LRFN5: variants seen among roughly 807,000 people sequenced by gnomAD.
LRFN5 encodes leucine rich repeat and fibronectin type III domain containing 5, also known as leucine-rich repeat and fibronectin type-III domain-containing protein 5.
In LRFN5, 24 loss-of-function variants were observed where a neutral mutation model predicts 45.6. That is an observed-to-expected ratio of 0.53 (90% confidence interval 0.38 to 0.74). The LOEUF (loss-of-function observed/expected upper bound fraction) is 0.74, where lower values mean the gene tolerates loss of function less well. Ranked by LOEUF, LRFN5 falls within the 30% of genes least tolerant of loss-of-function variation. The pLI is 0.00. For synonymous variants in LRFN5, 340 were observed against 313.8 expected, an observed-to-expected ratio of 1.08 and a Z score of -0.88; for missense variants, 776 against 861.5, an observed-to-expected ratio of 0.90 and a Z score of 1.24.
intron 1 of LRFN5, among the ~76,000 whole-genome samples, chr14:41,709,055 G>A (rs1883181817): frequency 6.6e-6 from 1 of 151,860 alleles, no homozygotes; most frequent in African/African-American, 2.4e-5. Flanking sequence ...TTTCTTAGCT[G>A]TAAGTCTTCT....
rs757371486 is a variant in LRFN5 at position 41,886,707 on chromosome 14, A to G, written c.82A>G (p.Ile28Val). The G allele has an allele frequency of 6.2e-7, 1 of 1,614,094 alleles. No homozygotes were observed. Among genetic ancestry groups the G allele is most frequent in the Non-Finnish European group, 8.5e-7 (1 of 1,180,002 alleles). The change falls in exon 3 of 6, where the codon ATT (isoleucine) becomes GTT (valine). Residue 28 changes from isoleucine to valine, a missense_variant. Ile to Val is a conservative substitution (Grantham distance 29, BLOSUM62 3). Around this residue, in one of 2 missense-constraint regions of LRFN5, gnomAD observed 311 missense variants for 405.1 expected, o/e 0.77. Transcript: ENST00000298119. ...QICPKRCVCQILSPNLATLCA... is the reference protein window; with the variant it reads ...QICPKRCVCQVLSPNLATLCA... ...CTGTCCAAAGCGTTGTGTCTGTCAG[A>G]TTTTGTCTCCTAATCTTGCAACCCT...
intron 2 of LRFN5, among the ~76,000 whole-genome samples, chr14:41,768,184 G>T (rs59348864): frequency 0.13 from 19,802 of 151,958 alleles, 1,532 homozygotes; most frequent in Non-Finnish European, 0.18. Flanking sequence ...GTTATTAGAA[G>T]AACAGAAAAA....
At chr14:41,740,225 T>C (rs769546258) in intron 1 of LRFN5, among the ~76,000 whole-genome samples, 7 of 151,898 alleles carry the variant, frequency 4.6e-5, no homozygotes, top group Admixed American at 2.0e-4. Context: ...ATTAAAACCA[T>C]ACAAGGACAC....
intron 2 of LRFN5, among the ~76,000 whole-genome samples, chr14:41,776,703 A>G (rs1281738858): frequency 5.9e-5 from 9 of 152,094 alleles, no homozygotes; most frequent in Non-Finnish European, 1.5e-5. Flanking sequence ...AAAAGCTTTC[A>G]TTTAATGTGA....
chr14:41,696,105 T>G (rs748790151), intron 1 of LRFN5, among the ~76,000 whole-genome samples: 1 of 151,844 alleles, frequency 6.6e-6, no homozygotes, highest in Non-Finnish European at 1.5e-5. Flanking sequence ...AAGACTTCAG[T>G]GGAGGAAGTA....
chr14:41,733,020 A>G (rs1362807169), intron 1 of LRFN5, among the ~76,000 whole-genome samples: 2 of 151,940 alleles, frequency 1.3e-5, no homozygotes, highest in Admixed American at 6.6e-5. Flanking sequence ...AAGATAGAGC[A>G]TTAAAAATTA....
chr14:41,828,376 G>A (rs1566469567), intron 2 of LRFN5, among the ~76,000 whole-genome samples: 2 of 151,938 alleles, frequency 1.3e-5, no homozygotes, highest in African/African-American at 4.8e-5. Flanking sequence ...AGAGAGGGTA[G>A]TAGTGCTAGT....
At chr14:41,720,261 A>G (rs1594644237) in intron 1 of LRFN5, among the ~76,000 whole-genome samples, 1 of 152,122 alleles carries the variant, frequency 6.6e-6, no homozygotes, top group Non-Finnish European at 1.5e-5. Context: ...TTGCCACAAA[A>G]GACATGATTT....
At chr14:41,627,652 G>C (rs949412751) in intron 1 of LRFN5, among the ~76,000 whole-genome samples, 3 of 152,078 alleles carry the variant, frequency 2.0e-5, no homozygotes, top group Admixed American at 6.5e-5. Context: ...TATTGATAAA[G>C]GAATCGACAA....
intron 1 of LRFN5, among the ~76,000 whole-genome samples, chr14:41,751,978 T>C (rs938651191): frequency 1.3e-5 from 2 of 152,156 alleles, no homozygotes; most frequent in Non-Finnish European, 2.9e-5. Context: ...TGTGTTCTCA[T>C]TGTTCAATTC....
chr14:41,694,535 A>G (rs545916614), intron 1 of LRFN5, among the ~76,000 whole-genome samples: 1 of 151,960 alleles, frequency 6.6e-6, no homozygotes, highest in East Asian at 1.9e-4. Context: ...CTTTTTTAAG[A>G]CTGAGTGATA....
chr14:41,889,164 C>T (rs1890694261), intron 3 of LRFN5, among the ~76,000 whole-genome samples: 1 of 150,404 alleles, frequency 6.6e-6, no homozygotes, highest in Non-Finnish European at 1.5e-5. Context: ...CAGATCAGAT[C>T]AGTTCCTATG....
chr14:41,805,005 G>T (rs1470134889), intron 2 of LRFN5, among the ~76,000 whole-genome samples: 1 of 151,946 alleles, frequency 6.6e-6, no homozygotes, highest in Non-Finnish European at 1.5e-5. Flanking sequence ...TGATGGTAAT[G>T]GTTTTACTGC....
chr14:41,795,157 C>G (rs546904134), intron 2 of LRFN5, among the ~76,000 whole-genome samples: 1 of 152,096 alleles, frequency 6.6e-6, no homozygotes, highest in African/African-American at 2.4e-5. Flanking sequence ...ATTTATGCAG[C>G]CAACAGACAC....
intron 2 of LRFN5, among the ~76,000 whole-genome samples, chr14:41,880,837 C>A (rs1594491240): frequency 6.6e-6 from 1 of 152,216 alleles, no homozygotes; most frequent in African/African-American, 2.4e-5. Flanking sequence ...TCAGTGTTTT[C>A]GTGGTTTCTT....
intron 2 of LRFN5, among the ~76,000 whole-genome samples, chr14:41,872,303 A>G (rs1457505634): frequency 6.6e-6 from 1 of 152,240 alleles, no homozygotes; most frequent in African/African-American, 2.4e-5. Flanking sequence ...AAAAATTTAC[A>G]GAAAAGAGCT....
chr14:41,881,944 A>G (rs1890395097), intron 2 of LRFN5, among the ~76,000 whole-genome samples: 1 of 152,180 alleles, frequency 6.6e-6, no homozygotes, highest in African/African-American at 2.4e-5. Context: ...TAATTGTAAT[A>G]TCTGGGGTGT....
chr14:41,674,601 G>T (rs1881493839), intron 1 of LRFN5, among the ~76,000 whole-genome samples: 1 of 146,736 alleles, frequency 6.8e-6, no homozygotes, highest in Non-Finnish European at 1.5e-5. Flanking sequence ...CCGGGCAGGG[G>T]GCTGACCCCC....
chr14:41,649,901 G>C (rs746695500), intron 1 of LRFN5, among the ~76,000 whole-genome samples: 2 of 152,098 alleles, frequency 1.3e-5, no homozygotes, highest in Non-Finnish European at 2.9e-5. Context: ...TAGCCATGTT[G>C]ATGCTACTGA....
Sources: gnomAD v4.1 joint callset for allele counts (sites outside exome capture counted in the v4.1 genomes callset) on GRCh38, gnomAD v4.1.1 for gene constraint, gnomAD v4.1.1 regional missense constraint, MANE v1.5 for transcripts, NCBI Gene and HGNC (gene_info 2026-07-23, HGNC 2026-07-21) for gene names.